FRMD4A: variants seen among roughly 807,000 people sequenced by gnomAD.
FRMD4A encodes the protein FERM domain-containing protein 4A.
A neutral mutation model predicts 129.1 loss-of-function variants in FRMD4A; 29 were observed. The observed-to-expected ratio is 0.22, with a 90% CI of 0.17 to 0.31. The LOEUF (loss-of-function observed/expected upper bound fraction) is 0.31. Among genes scored for constraint, FRMD4A ranks in the 10% least tolerant of loss-of-function variants. FRMD4A has a pLI of 1.00. For synonymous variants in FRMD4A, 634 were observed against 571.6 expected (o/e 1.11, Z -1.56); for missense variants, 1,272 against 1,375.8 (o/e 0.92, Z 1.19).
intron 3 of FRMD4A, among the ~76,000 whole-genome samples, chr10:13,848,573 C>T (rs904794465): frequency 3.3e-5 from 5 of 151,698 alleles, no homozygotes; most frequent in African/African-American, 1.2e-4. Context: ...CTTCTCCTCT[C>T]CTCAACCAGC....
At position 14,169,414 on chromosome 10, in the gene FRMD4A, T is replaced by C. The variant is rs184228588; in HGVS notation, c.45+160644A>G. On this transcript the variant is annotated intron_variant, in intron 2 of 24. Transcript: ENST00000357447. ...CTTGCCTATTCTGTAGGATTGCTTTTAGTTGTCCCGCCCAGAGCACACACA... is the reference window on the plus strand; with the variant it reads ...CTTGCCTATTCTGTAGGATTGCTTTCAGTTGTCCCGCCCAGAGCACACACA... Among the ~76,000 whole-genome samples the C allele has an allele frequency of 3.3e-5, 5 of 152,348 alleles. No homozygotes were observed. In the East Asian group the frequency reaches 9.6e-4, roughly 29 times the overall value.
Position 13,773,827 on chromosome 10 carries a change from G to A in FRMD4A, c.384+9095C>T, listed in dbSNP as rs556306773. Among the ~76,000 whole-genome samples, 9 of 152,322 alleles carry A rather than the reference G, an allele frequency of 5.9e-5. No individual in the cohort carries two copies. The South Asian group carries it at 1.5e-3, about 25-fold the overall frequency. On this transcript the variant is annotated intron_variant, in intron 6 of 24. Coordinates refer to ENST00000357447, the MANE Select transcript of FRMD4A (RefSeq NM_018027.5). Reference sequence around the variant, plus strand: ...CGCTCCTGTCTCATGGGACAAGTCCGCTGCCTCCTGCAGGGGCTGATGGAT... The same window carrying A: ...CGCTCCTGTCTCATGGGACAAGTCCACTGCCTCCTGCAGGGGCTGATGGAT...
chr10:14,319,839 G>A (rs1367744186), intron 2 of FRMD4A, among the ~76,000 whole-genome samples: 1 of 152,016 alleles, frequency 6.6e-6, no homozygotes, highest in African/African-American at 2.4e-5. Context: ...TATTTCCTCA[G>A]CACCTTCACC....
chr10:14,243,627 A>AAATGGTG (rs1167807738), intron 2 of FRMD4A, among the ~76,000 whole-genome samples: 1 of 152,192 alleles, frequency 6.6e-6, no homozygotes, highest in Non-Finnish European at 1.5e-5. Context: ...ACAGAATGTA[A>AAATGGTG]AATGGTGGTT....
chr10:13,846,597 G>A (rs2094049760), intron 3 of FRMD4A, among the ~76,000 whole-genome samples: 1 of 152,232 alleles, frequency 6.6e-6, no homozygotes, highest in Non-Finnish European at 1.5e-5. Context: ...GCAACTCCCT[G>A]CAATTGTAAA....
chr10:14,246,329 T>C (rs577082716), intron 2 of FRMD4A, among the ~76,000 whole-genome samples: 9 of 152,266 alleles, frequency 5.9e-5, no homozygotes, highest in Non-Finnish European at 7.4e-5. Context: ...AAGTACTTTA[T>C]GAGCACCTAC....
At chr10:13,649,906 T>C (rs1204293161) in intron 24 of FRMD4A, among the ~76,000 whole-genome samples, 2 of 152,324 alleles carry the variant, frequency 1.3e-5, no homozygotes, top group Non-Finnish European at 2.9e-5. Context: ...CACTGGAACA[T>C]GAGCTGGGGC....
intron 3 of FRMD4A, among the ~76,000 whole-genome samples, chr10:13,820,543 C>CA (rs112274045): frequency 0.021 from 2,814 of 136,040 alleles, 61 homozygotes; most frequent in African/African-American, 0.059. Flanking sequence ...AATTGTATCT[C>CA]AAAAAAAAAA....
chr10:13,650,172 G>A (rs1231310855), intron 24 of FRMD4A, among the ~76,000 whole-genome samples: 2 of 152,210 alleles, frequency 1.3e-5, no homozygotes, highest in African/African-American at 2.4e-5. Flanking sequence ...GCTTGGCATA[G>A]GGAGGTGGGG....
chr10:14,007,736 C>T (rs2095667179), intron 2 of FRMD4A, among the ~76,000 whole-genome samples: 1 of 152,134 alleles, frequency 6.6e-6, no homozygotes, highest in South Asian at 2.1e-4. Context: ...ATTTTCACAG[C>T]CCCCATGCAT....
intron 3 of FRMD4A, among the ~76,000 whole-genome samples, chr10:13,836,990 C>G (rs772566488): frequency 6.6e-6 from 1 of 152,118 alleles, no homozygotes; most frequent in African/African-American, 2.4e-5. Context: ...AGCTCCTGAC[C>G]TCATGATCTG....
At chr10:14,092,093 A>G (rs1836693204) in intron 2 of FRMD4A, among the ~76,000 whole-genome samples, 1 of 152,022 alleles carries the variant, frequency 6.6e-6, no homozygotes, top group African/African-American at 2.4e-5. Flanking sequence ...TTCTACCCCG[A>G]CTCAAATCTC....
At chr10:14,049,986 T>G (rs1360518702) in intron 2 of FRMD4A, among the ~76,000 whole-genome samples, 1 of 152,248 alleles carries the variant, frequency 6.6e-6, no homozygotes, top group Non-Finnish European at 1.5e-5. Flanking sequence ...CAATATTTAC[T>G]GAGCACCTAC....
chr10:13,859,804 A>G (rs1221405938), intron 2 of FRMD4A, among the ~76,000 whole-genome samples: 2 of 152,162 alleles, frequency 1.3e-5, no homozygotes, highest in Non-Finnish European at 2.9e-5. Flanking sequence ...ATATGAACCC[A>G]CAGGCAAATC....
intron 12 of FRMD4A, among the ~76,000 whole-genome samples, chr10:13,731,674 A>C (rs2090332612): frequency 6.8e-6 from 1 of 147,896 alleles, no homozygotes; most frequent in Admixed American, 6.7e-5. Context: ...AAAAAATTCT[A>C]CATCCTATCC....
intron 2 of FRMD4A, among the ~76,000 whole-genome samples, chr10:14,246,775 C>T (rs1304272015): frequency 6.6e-6 from 1 of 151,952 alleles, no homozygotes; most frequent in South Asian, 2.1e-4. Flanking sequence ...GGTCCCGCCT[C>T]GGTGGAAATA....
chr10:13,674,877 C>G (rs901488990), intron 16 of FRMD4A, 34 bp downstream of exon 16: 3 of 1,608,800 alleles, frequency 1.9e-6, no homozygotes, highest in African/African-American at 2.7e-5. Context: ...ACAGACAACA[C>G]CAATTTCAAC....
intron 2 of FRMD4A, among the ~76,000 whole-genome samples, chr10:14,142,651 A>T (rs1367277836): frequency 6.6e-6 from 1 of 152,248 alleles, no homozygotes; most frequent in Admixed American, 6.5e-5. Context: ...CAATGCAGTC[A>T]TTTATAGATG....
chr10:13,798,541 C>T (rs2093175261), intron 4 of FRMD4A, among the ~76,000 whole-genome samples: 1 of 152,130 alleles, frequency 6.6e-6, no homozygotes, highest in South Asian at 2.1e-4. Context: ...ACGGTGAAAC[C>T]CTGTCTCTAC....
Sources: gnomAD v4.1 joint callset for allele counts (sites outside exome capture counted in the v4.1 genomes callset) on GRCh38, gnomAD v4.1.1 for gene constraint, MANE v1.5 for transcripts, NCBI Gene and HGNC (gene_info 2026-07-23, HGNC 2026-07-21) for gene names.